Variants in CFAP20DC observed in about 807,000 individuals in gnomAD.
The protein encoded by CFAP20DC is CFAP20 domain containing.
Under a neutral mutation model 101.7 loss-of-function variants are expected in CFAP20DC, and 84 were observed. The ratio of observed to expected loss-of-function variants is 0.83; its 90% CI spans 0.69 to 0.99. CFAP20DC has a LOEUF of 0.99. CFAP20DC is among the 50% of genes least tolerant of loss of function. The pLI is 0.00. For missense variants in CFAP20DC, 1,007 were observed against 970.3 expected, an observed-to-expected ratio of 1.04 and a Z score of -0.50; for synonymous variants, 359 against 351.2, an observed-to-expected ratio of 1.02 and a Z score of -0.25.
chr3:58,837,967 T>C (rs1426837199), intron 13 of CFAP20DC, among the ~76,000 whole-genome samples: 1 of 152,180 alleles, frequency 6.6e-6, no homozygotes, highest in Non-Finnish European at 1.5e-5. Flanking sequence ...ACCTCTTTAC[T>C]AGCATTCCTG....
chr3:58,984,428 A>G (rs1285481401), intron 4 of CFAP20DC, among the ~76,000 whole-genome samples: 1 of 152,198 alleles, frequency 6.6e-6, no homozygotes, highest in Admixed American at 6.5e-5. Context: ...CCACATGGTG[A>G]CACCAGCAAA....
At chr3:58,997,786 C>T (rs2093181473) in intron 4 of CFAP20DC, among the ~76,000 whole-genome samples, 1 of 152,146 alleles carries the variant, frequency 6.6e-6, no homozygotes, top group African/African-American at 2.4e-5. Flanking sequence ...TCTTATTCTA[C>T]CATTTGTACA....
chr3:58,942,883 G>T (rs1018917676), intron 4 of CFAP20DC, among the ~76,000 whole-genome samples: 21 of 152,182 alleles, frequency 1.4e-4, no homozygotes, highest in Admixed American at 1.2e-3. Flanking sequence ...CTAGAGTTTG[G>T]TGGGGGAAGC....
chr3:58,733,045 T>C (rs1295116069), intron 3 of CFAP20DC, among the ~76,000 whole-genome samples: 2 of 152,152 alleles, frequency 1.3e-5, no homozygotes, highest in South Asian at 2.1e-4. Context: ...AAAATCTTGA[T>C]TATAGGGCAG....
At chr3:58,812,387 G>A (rs1372763732) in intron 14 of CFAP20DC, among the ~76,000 whole-genome samples, 22 of 152,214 alleles carry the variant, frequency 1.4e-4, no homozygotes. Context: ...AAAAAATGAT[G>A]AGTTCATGTC....
intron 13 of CFAP20DC, among the ~76,000 whole-genome samples, chr3:58,839,226 G>A (rs945450591): frequency 3.3e-5 from 5 of 152,194 alleles, no homozygotes; most frequent in Non-Finnish European, 7.3e-5. Flanking sequence ...TGTTTTCAGT[G>A]GCCTCTAATT....
chr3:59,042,765 A>C (rs1207484597), intron 3 of CFAP20DC, among the ~76,000 whole-genome samples: 3 of 152,180 alleles, frequency 2.0e-5, no homozygotes, highest in Non-Finnish European at 4.4e-5. Flanking sequence ...CAGGGAGACC[A>C]ATTAGGTTAC....
chr3:58,870,053 G>GTGTCTGTCTGTCTGTC lies in CFAP20DC; in HGVS notation c.852+104_852+119dup, dbSNP rs10670247. 3 of 910,064 alleles carry GTGTCTGTCTGTCTGTC rather than the reference G, an allele frequency of 3.3e-6. No individual in the cohort carries two copies. In the African/African-American group the frequency reaches 5.2e-5, roughly 16 times the overall value. The allele number at this position is 910,064 out of a possible 1,614,324, so 56.4% of individuals were successfully genotyped here. A position where few individuals can be genotyped will look rare whatever the true frequency, so the allele number is the denominator to read the frequency against. ...TCAAGCCTTCTGCTTTTGGCATGTA[G>GTGTCTGTCTGTCTGTC]TGTCTGTCTGTCTGTCTGTCTGTCT... On this transcript the variant is annotated intron_variant, in intron 8 of 16. Coordinates refer to ENST00000482387, the MANE Select transcript of CFAP20DC (RefSeq NM_001394063.1).
intron 15 of CFAP20DC, among the ~76,000 whole-genome samples, chr3:58,789,507 T>G (rs1311523319): frequency 6.6e-6 from 1 of 152,188 alleles, no homozygotes; most frequent in Non-Finnish European, 1.5e-5. Context: ...AATAAAACAA[T>G]GATATGCTAA....
intron 15 of CFAP20DC, among the ~76,000 whole-genome samples, chr3:58,764,176 G>A (rs1176563458): frequency 6.6e-6 from 1 of 152,196 alleles, no homozygotes; most frequent in African/African-American, 2.4e-5. Flanking sequence ...AGCTGCAGTG[G>A]GCTCCACCCA....
Position 58,742,400 on chromosome 3 carries a change from A to T in CFAP20DC, c.*60T>A, listed in dbSNP as rs980426172. ...ATAAGTTGTGGTGACTCCTTAAGCG[A>T]CCCTGAACTGCTATTCTGCTCCAGC... On this transcript the variant is annotated 3_prime_UTR_variant, in exon 17 of 17. Transcript: ENST00000482387. 7 of 1,501,948 alleles carry T rather than the reference A, an allele frequency of 4.7e-6. No homozygotes were observed. The highest frequency in any genetic ancestry group is 2.1e-5 in the Admixed American group (1 of 47,942). The allele number at this position is 1,501,948 out of a possible 1,614,324, so 93.0% of individuals were successfully genotyped here.
chr3:58,753,856 A>G lies in CFAP20DC; in HGVS notation c.2245T>C (p.Leu749=). 1 of 1,607,386 alleles carries G rather than the reference A, an allele frequency of 6.2e-7. No homozygotes were observed. Among genetic ancestry groups the G allele is most frequent in the Non-Finnish European group, 8.5e-7 (1 of 1,175,976 alleles). ...ACGATTGGTGGGCTCAACATATTTAACCAGTCCCTAAAAAGAAAACAAAGT... is the reference window on the plus strand; with the variant it reads ...ACGATTGGTGGGCTCAACATATTTAGCCAGTCCCTAAAAAGAAAACAAAGT... The part of the protein sequence containing the change: ...PPSPSNPRDW[L]NMLSPPIVPP... Residue 749 remains leucine (L), a synonymous_variant, in exon 16 of 17, where the codon TTA becomes CTA. Transcript: ENST00000482387.
At chr3:58,857,218 T>C (rs1267148847) in intron 12 of CFAP20DC, among the ~76,000 whole-genome samples, 1 of 152,222 alleles carries the variant, frequency 6.6e-6, no homozygotes, top group African/African-American at 2.4e-5. Flanking sequence ...TTTTGGGAAT[T>C]TAGAGGGCTG....
intron 2 of CFAP20DC, among the ~76,000 whole-genome samples, chr3:59,046,663 C>T (rs1053463796): frequency 9.2e-5 from 14 of 152,000 alleles, no homozygotes; most frequent in African/African-American, 3.4e-4. Flanking sequence ...AAAAGTAGAA[C>T]AGTCAATGGC....
intron 7 of CFAP20DC, among the ~76,000 whole-genome samples, chr3:58,878,018 G>A (rs987056458): frequency 6.6e-6 from 1 of 152,172 alleles, no homozygotes; most frequent in African/African-American, 2.4e-5. Flanking sequence ...CACATACGTG[G>A]CAAGCAGGCA....
rs1363973080 is a variant in CFAP20DC at position 59,001,836 on chromosome 3, C to A, written c.278+37721G>T. On this transcript the variant is annotated intron_variant, in intron 4 of 16. Coordinates refer to ENST00000482387, the MANE Select transcript of CFAP20DC (RefSeq NM_001394063.1). This position sits in a 1 kb window ranked among gnomAD's most constrained non-coding sequence, Gnocchi z 4.5. Reference sequence around the variant, plus strand: ...GAAGAAAGGGAAGTACCTGATGTTACTATAGTAATCAGTGGGCTTCCTGGG... The same window carrying A: ...GAAGAAAGGGAAGTACCTGATGTTAATATAGTAATCAGTGGGCTTCCTGGG... Among the ~76,000 whole-genome samples, 2 of 152,116 alleles carry A rather than the reference C, an allele frequency of 1.3e-5. No individual in the cohort carries two copies. The highest frequency in any genetic ancestry group is 2.9e-5 in the Non-Finnish European group (2 of 68,030).
At chr3:59,049,483 T>C (rs1700138796) in intron 1 of CFAP20DC, 128 bp downstream of exon 1, 1 of 899,708 alleles carries the variant, frequency 1.1e-6, no homozygotes, top group Admixed American at 2.0e-5. Context: ...CACCCATTAA[T>C]TCTGTCTTAC....
At chr3:58,841,783 TG>T (rs1480303595) in intron 13 of CFAP20DC, among the ~76,000 whole-genome samples, 4 of 152,242 alleles carry the variant, frequency 2.6e-5, no homozygotes, top group Non-Finnish European at 4.4e-5. Context: ...AATTTATAAT[TG>T]GTAGCATGCT....
rs538013451 is a variant in CFAP20DC at position 58,864,324 on chromosome 3, C to T, written c.1259-432G>A. ...TTGTTGAAACAGATTTATCAAATAA[C>T]GCAAAGCAAAGGAAGGCAATTTATA... is the stretch of plus-strand genomic sequence containing the variant. On this transcript the variant is annotated intron_variant, in intron 11 of 16. Coordinates refer to ENST00000482387, the MANE Select transcript of CFAP20DC (RefSeq NM_001394063.1). The surrounding 1 kb of genome is among the most constrained non-coding windows in gnomAD (Gnocchi z 4.7). Among the ~76,000 whole-genome samples the T allele has an allele frequency of 3.0e-4, 45 of 152,286 alleles. No individual in the cohort carries two copies. The highest frequency in any genetic ancestry group is 9.7e-4 in the East Asian group (5 of 5,178).
Sources: gnomAD v4.1 joint callset for allele counts (sites outside exome capture counted in the v4.1 genomes callset) on GRCh38, gnomAD v4.1.1 for gene constraint, Gnocchi (gnomAD v3.1) non-coding constraint, MANE v1.5 for transcripts, NCBI Gene and HGNC (gene_info 2026-07-23, HGNC 2026-07-21) for gene names.